The following KIF18A variants were observed in gnomAD, a reference collection of about 807,000 sequenced individuals.
KIF18A encodes the protein kinesin-like protein KIF18A.
Under a neutral mutation model 103.3 loss-of-function variants are expected in KIF18A, and 67 were observed. That is an observed-to-expected ratio of 0.65 (90% CI 0.53 to 0.79). The LOEUF is 0.79. Ranked by LOEUF, KIF18A falls within the 30% of genes least tolerant of loss-of-function variation. The pLI, the probability that KIF18A is intolerant of heterozygous loss-of-function variation, is 0.00. For synonymous variants in KIF18A, 367 were observed against 355.5 expected (o/e 1.03, Z -0.36); for missense variants, 1,032 against 1,062.5 (o/e 0.97, Z 0.40).
intron 13 of KIF18A, among the ~76,000 whole-genome samples, chr11:28,054,933 T>G (rs1054266589): frequency 6.6e-6 from 1 of 152,200 alleles, no homozygotes; most frequent in Admixed American, 6.6e-5. Context: ...ATACTGTATG[T>G]GAAATATAGA....
At chr11:28,094,495 A>G in intron 3 of KIF18A, 148 bp downstream of exon 3, 2 of 668,764 alleles carry the variant, frequency 3.0e-6, no homozygotes, top group Non-Finnish European at 4.8e-6. Flanking sequence ...AAAAAAATTA[A>G]CAGAAAAAGA....
chr11:28,061,783 AT>A (rs1489989470), intron 12 of KIF18A, among the ~76,000 whole-genome samples: 7 of 152,130 alleles, frequency 4.6e-5, no homozygotes, highest in African/African-American at 1.7e-4. Flanking sequence ...TAAATATCCC[AT>A]TTGCATGGAA....
At chr11:28,074,141 T>C (rs1354145426) in intron 10 of KIF18A, among the ~76,000 whole-genome samples, 1 of 151,888 alleles carries the variant, frequency 6.6e-6, no homozygotes, top group African/African-American at 2.4e-5. Context: ...AGTGAGACCT[T>C]ATCTCCAAAA....
At chr11:28,069,805 A>G (rs1167601944) in intron 10 of KIF18A, among the ~76,000 whole-genome samples, 7 of 152,042 alleles carry the variant, frequency 4.6e-5, no homozygotes, top group Non-Finnish European at 8.8e-5. Flanking sequence ...GCAGATGCAT[A>G]TATTGCTCTT....
intron 13 of KIF18A, among the ~76,000 whole-genome samples, chr11:28,048,889 T>C (rs1449800815): frequency 6.6e-6 from 1 of 152,024 alleles, no homozygotes; most frequent in African/African-American, 2.4e-5. Flanking sequence ...ATGGAAAAGC[T>C]TGGAAATTGC....
At chr11:28,073,964 A>T (rs1209037266) in intron 10 of KIF18A, among the ~76,000 whole-genome samples, 4 of 152,156 alleles carry the variant, frequency 2.6e-5, no homozygotes, top group Non-Finnish European at 5.9e-5. Context: ...CATTCAAATA[A>T]TTGACACTTA....
chr11:28,055,176 T>C (rs1444237407), intron 13 of KIF18A, among the ~76,000 whole-genome samples: 3 of 152,210 alleles, frequency 2.0e-5, no homozygotes, highest in African/African-American at 2.4e-5. Flanking sequence ...ATATACAATA[T>C]ATATGTTTTA....
intron 15 of KIF18A, among the ~76,000 whole-genome samples, chr11:28,032,605 C>G (rs1463378332): frequency 6.6e-6 from 1 of 151,826 alleles, no homozygotes; most frequent in Non-Finnish European, 1.5e-5. Flanking sequence ...CTGCCAAGAA[C>G]ATACATTGGG....
intron 13 of KIF18A, among the ~76,000 whole-genome samples, chr11:28,051,947 C>T (rs932739724): frequency 6.6e-6 from 1 of 152,072 alleles, no homozygotes; most frequent in South Asian, 2.1e-4. Flanking sequence ...CATCTGAAGT[C>T]TTCCTTATCT....
intron 11 of KIF18A, among the ~76,000 whole-genome samples, chr11:28,068,442 A>T (rs1330414312): frequency 2.6e-5 from 4 of 151,936 alleles, no homozygotes; most frequent in African/African-American, 7.3e-5. Context: ...TTAAAAAAAA[A>T]AAAAAGGGAG....
At chr11:28,060,228 C>A (rs1850841168) in intron 12 of KIF18A, among the ~76,000 whole-genome samples, 1 of 152,156 alleles carries the variant, frequency 6.6e-6, no homozygotes, top group South Asian at 2.1e-4. Flanking sequence ...TGTCTAACAA[C>A]ATGAATGATC....
At chr11:28,086,737 T>C (rs1157918053) in intron 6 of KIF18A, among the ~76,000 whole-genome samples, 1 of 152,208 alleles carries the variant, frequency 6.6e-6, no homozygotes, top group Non-Finnish European at 1.5e-5. Context: ...GCTGGTGCTA[T>C]TTTAAGTGAT....
chr11:28,106,492 G>C (rs1239455733), intron 1 of KIF18A, among the ~76,000 whole-genome samples: 1 of 150,210 alleles, frequency 6.7e-6, no homozygotes, highest in Non-Finnish European at 1.5e-5. Flanking sequence ...TCAACTGGAG[G>C]GAAGGCCGGC....
rs373694374 is a variant in KIF18A, at chr11:28,084,765, C to T, written c.941G>A (p.Arg314His). Residue 314 changes from arginine (R) to histidine (H), a missense_variant, in exon 7 of 17, where the codon CGC (arginine) becomes CAC (histidine). Coordinates refer to ENST00000263181, the MANE Select transcript of KIF18A (RefSeq NM_031217.4). ...HIPYRNSKLT[R>H]LLKDSLGGNC... ...TCCTCCAAGAGAATCCTTTAACAAG[C>T]GAGTAAGCTTACTATTTCTGTAAGG... 55 of 1,612,812 alleles carry T rather than the reference C, an allele frequency of 3.4e-5. No individual in the cohort carries two copies. Among genetic ancestry groups the T allele is most frequent in the South Asian group, 4.4e-5 (4 of 91,038 alleles).
intron 11 of KIF18A, among the ~76,000 whole-genome samples, chr11:28,065,889 T>A (rs1161479990): frequency 6.6e-6 from 1 of 152,032 alleles, no homozygotes; most frequent in African/African-American, 2.4e-5. Context: ...TACACAAACA[T>A]ATTTAAAATT....
chr11:28,087,078 A>G (rs1851238331), intron 6 of KIF18A, among the ~76,000 whole-genome samples: 1 of 152,156 alleles, frequency 6.6e-6, no homozygotes, highest in Non-Finnish European at 1.5e-5. Context: ...AAAAAATTAA[A>G]TTTAATTTTT....
intron 1 of KIF18A, among the ~76,000 whole-genome samples, chr11:28,103,872 T>A (rs895004664): frequency 3.3e-5 from 5 of 152,162 alleles, no homozygotes; most frequent in African/African-American, 1.2e-4. Flanking sequence ...AATTTCTTGT[T>A]TAGAAAATTA....
intron 6 of KIF18A, 59 bp from the exon 7 acceptor site, chr11:28,084,867 C>G: frequency 6.7e-6 from 9 of 1,345,178 alleles, no homozygotes; most frequent in Non-Finnish European, 9.4e-6. Flanking sequence ...AAACCTGCTA[C>G]CACTTTAGCA....
At chr11:28,037,003 G>C (rs1344820074) in intron 13 of KIF18A, among the ~76,000 whole-genome samples, 1 of 151,478 alleles carries the variant, frequency 6.6e-6, no homozygotes. Context: ...TGTTTGATTT[G>C]GGTTTAAGAT....
Sources: gnomAD v4.1 joint callset for allele counts (sites outside exome capture counted in the v4.1 genomes callset) on GRCh38, gnomAD v4.1.1 for gene constraint, MANE v1.5 for transcripts, NCBI Gene and HGNC (gene_info 2026-07-23, HGNC 2026-07-21) for gene names.